Variants in ZNF536 observed in about 807,000 individuals in gnomAD.
The protein encoded by ZNF536 is zinc finger protein 536.
ZNF536 carries 13 observed loss-of-function variants against 84.5 expected under a neutral mutation model. That is an observed-to-expected ratio of 0.15 (90% confidence interval 0.10 to 0.24). ZNF536 has a LOEUF of 0.24. Among genes scored for constraint, ZNF536 ranks in the 10% least tolerant of loss-of-function variants. The probability of loss-of-function intolerance (pLI) is 1.00; values close to 1 mark genes in which losing one functional copy is unlikely to be tolerated. For missense variants in ZNF536, 1,536 were observed against 1,747.5 expected (o/e 0.88, Z 2.16); for synonymous variants, 811 against 742.5 (o/e 1.09, Z -1.50).
intron 4 of ZNF536, chr19:30,555,505 T>C (rs2045932277): frequency 6.6e-6 from 1 of 152,192 alleles, no homozygotes; most frequent in South Asian, 2.1e-4. Flanking sequence ...TCTGGCAATT[T>C]TGTGATGACC....
intron 1 of ZNF536, among the ~76,000 whole-genome samples, chr19:30,278,121 A>G (rs1474631993): frequency 6.6e-6 from 1 of 152,148 alleles, no homozygotes; most frequent in Non-Finnish European, 1.5e-5. Flanking sequence ...GATTGAAGGG[A>G]CAGTTTGTTA....
chr19:30,602,283 T>A (rs1415364365), intron 1 of ZNF536, among the ~76,000 whole-genome samples: 1 of 152,236 alleles, frequency 6.6e-6, no homozygotes, highest in Non-Finnish European at 1.5e-5. Context: ...GATTCCTTCT[T>A]TCTTCTTTCA....
At chr19:30,370,528 AATGTCACTTTT>A (rs2048577573), upstream of ZNF536, among the ~76,000 whole-genome samples, 1 of 152,218 alleles carries the variant, frequency 6.6e-6, no homozygotes, top group South Asian at 2.1e-4. Context: ...TATTTTATAG[AATGTCACTTTT>A]ATGCACAATC....
intron 2 of ZNF536, among the ~76,000 whole-genome samples, chr19:30,529,395 T>C (rs1363756446): frequency 6.6e-6 from 1 of 152,180 alleles, no homozygotes; most frequent in East Asian, 1.9e-4. Context: ...TGAGAAGTTG[T>C]TTGTCTTTCT....
intron 1 of ZNF536, among the ~76,000 whole-genome samples, chr19:30,235,263 G>A (rs1364348585): frequency 2.6e-5 from 4 of 152,214 alleles, no homozygotes; most frequent in Non-Finnish European, 5.9e-5. Context: ...TGGCATGGCC[G>A]AGCGGGCATT....
intron 1 of ZNF536, among the ~76,000 whole-genome samples, chr19:30,267,591 C>T (rs1568545680): frequency 6.6e-6 from 1 of 152,170 alleles, no homozygotes; most frequent in Non-Finnish European, 1.5e-5. Context: ...GAGGGGCCAA[C>T]TCCTTCTCTG....
rs2048857814 is a variant in ZNF536 at position 30,630,727 on chromosome 19, A to T, written c.170-80030A>T. Among the ~76,000 whole-genome samples the T allele has an allele frequency of 2.0e-5, 3 of 152,198 alleles. No individual in the cohort carries two copies. In the South Asian group the frequency reaches 6.2e-4, roughly 32 times the overall value. On this transcript the variant is annotated intron_variant, in intron 1 of 1. Transcript: ENST00000592773. Reference sequence around the variant, plus strand: ...CCCAGGCTCAGTCTGGGTCACTGTCAGGACTTGCTACTGGGCCAAGGTCAG... The same window carrying T: ...CCCAGGCTCAGTCTGGGTCACTGTCTGGACTTGCTACTGGGCCAAGGTCAG...
intron 2 of ZNF536, among the ~76,000 whole-genome samples, chr19:30,517,411 T>G (rs2044124993): frequency 6.6e-6 from 1 of 151,868 alleles, no homozygotes. Flanking sequence ...AGCCAGGTAG[T>G]GAGGGTGGGG....
chr19:30,451,390 A>C (rs374420441), intron 2 of ZNF536, among the ~76,000 whole-genome samples: 110 of 152,332 alleles, frequency 7.2e-4, no homozygotes, highest in Non-Finnish European at 1.4e-3. Flanking sequence ...GTAGACTTGT[A>C]TCATCTCGTG....
chr19:30,278,800 C>T (rs1452653033), intron 1 of ZNF536, among the ~76,000 whole-genome samples: 3 of 152,206 alleles, frequency 2.0e-5, no homozygotes, highest in Non-Finnish European at 4.4e-5. Flanking sequence ...CTGCAGCAGC[C>T]TCCCCCATGG....
At chr19:30,668,805 A>C (rs2050431337) in intron 1 of ZNF536, among the ~76,000 whole-genome samples, 1 of 152,172 alleles carries the variant, frequency 6.6e-6, no homozygotes, top group Non-Finnish European at 1.5e-5. Flanking sequence ...CTCCCAACTC[A>C]TTCCACCTTC....
At chr19:30,630,810 C>T (rs1161513982) in intron 1 of ZNF536, among the ~76,000 whole-genome samples, 1 of 152,180 alleles carries the variant, frequency 6.6e-6, no homozygotes, top group East Asian at 1.9e-4. Context: ...GGGAGGCTCC[C>T]TTTTATTGCT....
At chr19:30,662,536 A>G (rs1273205163) in intron 1 of ZNF536, among the ~76,000 whole-genome samples, 1 of 151,106 alleles carries the variant, frequency 6.6e-6, no homozygotes, top group Non-Finnish European at 1.5e-5. Flanking sequence ...TCTCCCGCAG[A>G]TGGGGGGGGA....
chr19:30,256,396 C>T lies in ZNF536; in HGVS notation c.-189-27676C>T, dbSNP rs919012981. On this transcript the variant is annotated intron_variant, in intron 1 of 5. Transcript: ENST00000585628. Reference sequence around the variant, plus strand: ...CCTAATTGGACATTTTTTACGAGCCCGGTTTGCTATTTATGTTAAAAGCAA... The same window carrying T: ...CCTAATTGGACATTTTTTACGAGCCTGGTTTGCTATTTATGTTAAAAGCAA... Among the ~76,000 whole-genome samples, 5 of 152,134 alleles carry T rather than the reference C, an allele frequency of 3.3e-5. No homozygotes were observed. In the East Asian group the frequency reaches 5.8e-4, roughly 18 times the overall value.
At chr19:30,678,972 C>A (rs369490880) in intron 1 of ZNF536, among the ~76,000 whole-genome samples, 1 of 152,142 alleles carries the variant, frequency 6.6e-6, no homozygotes, top group East Asian at 1.9e-4. Flanking sequence ...AAGAGTAGCA[C>A]GTTGTTACAT....
chr19:30,520,411 G>T (rs2044273571), intron 2 of ZNF536, among the ~76,000 whole-genome samples: 1 of 152,150 alleles, frequency 6.6e-6, no homozygotes. Context: ...CCAATGGGAT[G>T]CTGAGGCCTG....
rs551115835 is a variant in ZNF536, at chr19:30,525,133, C to A, written c.2171-9714C>A. On this transcript the variant is annotated intron_variant, in intron 2 of 4. Coordinates refer to ENST00000355537, the MANE Select transcript of ZNF536 (RefSeq NM_014717.3). ...AGTCTTCTAAGGAGCTCTCTTGTGGCCTTGCTGATTATAATTGTGTGTTTG... is the reference window on the plus strand; with the variant it reads ...AGTCTTCTAAGGAGCTCTCTTGTGGACTTGCTGATTATAATTGTGTGTTTG... Among the ~76,000 whole-genome samples the A allele has an allele frequency of 8.5e-5, 13 of 152,194 alleles. No homozygotes were observed. In the South Asian group the frequency reaches 1.9e-3, roughly 22 times the overall value.
chr19:30,225,688 G>T (rs1334107922), upstream of ZNF536, among the ~76,000 whole-genome samples: 8 of 77,608 alleles, frequency 1.0e-4, no homozygotes, highest in South Asian at 1.1e-3. Context: ...AAACAAAGGT[G>T]GGGGGGGGAT....
intron 1 of ZNF536, among the ~76,000 whole-genome samples, chr19:30,690,546 C>T (rs889270350): frequency 1.3e-5 from 2 of 152,170 alleles, no homozygotes; most frequent in Non-Finnish European, 2.9e-5. Context: ...TATTAATCAT[C>T]ACGAACAGCT....
Sources: allele counts gnomAD v4.1 joint callset (sites outside exome capture counted in the v4.1 genomes callset), GRCh38; gene constraint gnomAD v4.1.1; transcripts MANE v1.5; gene names NCBI Gene and HGNC (gene_info 2026-07-23, HGNC 2026-07-21).